SHISAL1: variants seen among roughly 807,000 people sequenced by gnomAD.
SHISAL1 encodes protein shisa-like-1.
In SHISAL1, 9 loss-of-function variants were observed where a neutral mutation model predicts 22.6. The ratio of observed to expected loss-of-function variants is 0.40; its 90% CI spans 0.24 to 0.70. SHISAL1 has a LOEUF of 0.70. SHISAL1 is among the 30% of genes least tolerant of loss of function. SHISAL1 has a pLI of 0.39. For missense variants in SHISAL1, 246 were observed against 270.6 expected (o/e 0.91, Z 0.64); for synonymous variants, 119 against 115.4 (o/e 1.03, Z -0.20).
intron 4 of SHISAL1, among the ~76,000 whole-genome samples, chr22:44,280,480 G>T (rs946637079): frequency 1.3e-5 from 2 of 152,136 alleles, no homozygotes; most frequent in African/African-American, 2.4e-5. Context: ...ACCAAGGGGG[G>T]CAGTGTCTAA....
chr22:44,329,649 C>T, the SHISAL1 span, among the ~76,000 whole-genome samples: 2 of 152,212 alleles, frequency 1.3e-5, no homozygotes, highest in Admixed American at 6.5e-5. Flanking sequence ...TGCAGAACTT[C>T]CTGGTCATCT....
At chr22:44,329,218 G>C in the SHISAL1 span, among the ~76,000 whole-genome samples, 1 of 152,218 alleles carries the variant, frequency 6.6e-6, no homozygotes, top group South Asian at 2.1e-4. Context: ...GGGGCTCGGG[G>C]AGTTGGCTGA....
At chr22:44,256,106 C>T (rs571824522) in intron 4 of SHISAL1, among the ~76,000 whole-genome samples, 6 of 152,302 alleles carry the variant, frequency 3.9e-5, no homozygotes, top group African/African-American at 1.2e-4. Context: ...CAGGCTGGGA[C>T]GAATTCACAC....
intron 4 of SHISAL1, among the ~76,000 whole-genome samples, chr22:44,273,664 C>T (rs997803657): frequency 1.3e-5 from 2 of 152,150 alleles, no homozygotes; most frequent in Non-Finnish European, 2.9e-5. Flanking sequence ...TATGGTATTG[C>T]TTACAGCAAA....
intron 4 of SHISAL1, among the ~76,000 whole-genome samples, chr22:44,284,427 C>T (rs1022548878): frequency 6.6e-6 from 1 of 152,122 alleles, no homozygotes; most frequent in Non-Finnish European, 1.5e-5. Flanking sequence ...GGTTAGGTTA[C>T]CTGCAAAGCT....
intron 4 of SHISAL1, among the ~76,000 whole-genome samples, chr22:44,277,504 TA>T (rs2055248108): frequency 7.2e-6 from 1 of 138,076 alleles, no homozygotes; most frequent in Admixed American, 7.3e-5. Context: ...CAGGTGGGGC[TA>T]TTCAAACCGA....
At chr22:44,311,760 G>A (rs1292409118) in intron 1 of SHISAL1, among the ~76,000 whole-genome samples, 1 of 152,216 alleles carries the variant, frequency 6.6e-6, no homozygotes, top group East Asian at 1.9e-4. Context: ...TGGGTCACAG[G>A]GCGAGGGGCT....
At chr22:44,312,173 A>C (rs749576249) in intron 1 of SHISAL1, among the ~76,000 whole-genome samples, 1 of 152,200 alleles carries the variant, frequency 6.6e-6, no homozygotes, top group Non-Finnish European at 1.5e-5. Context: ...TTGAAGGCGT[A>C]TTCGGAGGGG....
intron 1 of SHISAL1, among the ~76,000 whole-genome samples, chr22:44,302,061 T>C (rs553122653): frequency 6.8e-4 from 103 of 152,250 alleles, no homozygotes; most frequent in African/African-American, 2.5e-3. Context: ...TAAAGTACAG[T>C]GGCCCACACC....
the SHISAL1 span, among the ~76,000 whole-genome samples, chr22:44,327,240 GCACACACACACACA>G: frequency 3.8e-3 from 547 of 145,010 alleles, 6 homozygotes; most frequent in East Asian, 9.8e-3. Flanking sequence ...TGGGGGGCGC[GCACACACACACACA>G]CACACACACA....
In SHISAL1 at chr22:44,246,823, C is replaced by T. The variant is rs573432941; in HGVS notation, c.*2862G>A. 1 of 152,692 alleles carries T rather than the reference C, an allele frequency of 6.5e-6. No individual in the cohort carries two copies. The highest frequency in any genetic ancestry group is 1.5e-5 in the Non-Finnish European group (1 of 68,358). 9.5% of individuals were successfully genotyped at this position (152,692 alleles called of 1,614,324 possible). A position where few individuals can be genotyped will look rare whatever the true frequency, so the allele number is the denominator to read the frequency against. On this transcript the variant is annotated 3_prime_UTR_variant, in exon 5 of 5. Transcript: ENST00000381176. ...GAGGTTAAGTGGCTCGTGGGGGTGA[C>T]CTGCAGGAAGGAGGATGCCGTGGCT...
At chr22:44,269,386 CA>C (rs1285442688) in intron 4 of SHISAL1, among the ~76,000 whole-genome samples, 15 of 151,284 alleles carry the variant, frequency 9.9e-5, no homozygotes, top group African/African-American at 2.2e-4. Context: ...CACACCATGA[CA>C]CACAGACACC....
At chr22:44,258,735 A>G (rs2055101374) in intron 4 of SHISAL1, among the ~76,000 whole-genome samples, 2 of 152,206 alleles carry the variant, frequency 1.3e-5, no homozygotes, top group Admixed American at 1.3e-4. Flanking sequence ...AAGAGCCCCT[A>G]TGGCAAATGC....
chr22:44,298,976 T>TGCCTGG (rs1458890141), intron 2 of SHISAL1, among the ~76,000 whole-genome samples: 1 of 152,172 alleles, frequency 6.6e-6, no homozygotes, highest in South Asian at 2.1e-4. Flanking sequence ...GGCATGAGGC[T>TGCCTGG]GCCTGGGCCA....
intron 2 of SHISAL1, among the ~76,000 whole-genome samples, chr22:44,297,368 C>T (rs1007378913): frequency 2.0e-5 from 3 of 152,224 alleles, no homozygotes; most frequent in African/African-American, 7.2e-5. Context: ...CCTCTCCAGT[C>T]TTGTATCACT....
At chr22:44,314,401 C>G (rs2055544291), upstream of SHISAL1, among the ~76,000 whole-genome samples, 1 of 152,118 alleles carries the variant, frequency 6.6e-6, no homozygotes, top group African/African-American at 2.4e-5. Context: ...GCCTGGACTG[C>G]CCTGTGGATT....
In SHISAL1 at chr22:44,282,837, C is replaced by A. The variant is rs144962900; in HGVS notation, c.599+2591G>T. Among the ~76,000 whole-genome samples the A allele has an allele frequency of 2.6e-5, 4 of 152,326 alleles. No individual in the cohort carries two copies. In the East Asian group the frequency reaches 7.7e-4, roughly 29 times the overall value. Reference sequence around the variant, plus strand: ...CATTCTCCAGTGTGCCCGAGGAGGGCCGCAGAGGGCGTTTGTAATGGCTGT... The same window carrying A: ...CATTCTCCAGTGTGCCCGAGGAGGGACGCAGAGGGCGTTTGTAATGGCTGT... On this transcript the variant is annotated intron_variant, in intron 4 of 4. Coordinates refer to ENST00000381176, the MANE Select transcript of SHISAL1 (RefSeq NM_001099294.2).
intron 4 of SHISAL1, among the ~76,000 whole-genome samples, chr22:44,274,385 T>C (rs2055225423): frequency 1.3e-5 from 2 of 152,088 alleles, no homozygotes; most frequent in Admixed American, 6.5e-5. Context: ...CCCATAAAAC[T>C]GTCCACCCCC....
At chr22:44,281,007 G>A (rs912617700) in intron 4 of SHISAL1, among the ~76,000 whole-genome samples, 3 of 152,284 alleles carry the variant, frequency 2.0e-5, no homozygotes, top group East Asian at 1.9e-4. Context: ...TGGCAGGAAC[G>A]TGGCAACATC....
Sources: allele counts gnomAD v4.1 joint callset (sites outside exome capture counted in the v4.1 genomes callset), GRCh38; gene constraint gnomAD v4.1.1; transcripts MANE v1.5; gene names NCBI Gene and HGNC (gene_info 2026-07-23, HGNC 2026-07-21).